The following CTNND2 variants were observed in gnomAD, a reference collection of about 807,000 sequenced individuals.
CTNND2 encodes the protein catenin delta 2.
A neutral mutation model predicts 144.4 loss-of-function variants in CTNND2; 22 were observed. That is an observed-to-expected ratio of 0.15 (90% CI 0.11 to 0.22). The LOEUF (loss-of-function observed/expected upper bound fraction) is 0.22. Among genes scored for constraint, CTNND2 ranks in the 10% least tolerant of loss-of-function variants. The pLI is 1.00. For synonymous variants in CTNND2, 751 were observed against 695.6 expected, an observed-to-expected ratio of 1.08 and a Z score of -1.25; for missense variants, 1,353 against 1,618.8, an observed-to-expected ratio of 0.84 and a Z score of 2.82.
chr5:11,711,403 T>G (rs1179253557), intron 2 of CTNND2, among the ~76,000 whole-genome samples: 3 of 152,180 alleles, frequency 2.0e-5, no homozygotes, highest in Non-Finnish European at 2.9e-5. Context: ...TTAATCGGCA[T>G]AGTCCTAATT....
chr5:11,649,126 T>C (rs1320133279), intron 2 of CTNND2, among the ~76,000 whole-genome samples: 1 of 152,228 alleles, frequency 6.6e-6, no homozygotes, highest in African/African-American at 2.4e-5. Flanking sequence ...CAAAGCATTG[T>C]ATTAACAGCT....
chr5:11,406,115 C>A (rs1383081946), intron 5 of CTNND2, among the ~76,000 whole-genome samples: 3 of 152,190 alleles, frequency 2.0e-5, no homozygotes, highest in Non-Finnish European at 4.4e-5. Flanking sequence ...CCATTGCACA[C>A]CAGCCTGGGC....
intron 1 of CTNND2, among the ~76,000 whole-genome samples, chr5:11,750,952 A>G (rs1275643982): frequency 1.3e-5 from 2 of 151,828 alleles, no homozygotes; most frequent in African/African-American, 4.8e-5. Flanking sequence ...ACTTTTTAAA[A>G]CCAAATGTAT....
In CTNND2 at chr5:11,709,299, C is replaced by T. The variant is rs116195138; in HGVS notation, c.174+22837G>A. Among the ~76,000 whole-genome samples, 335 of 152,314 alleles carry T rather than the reference C, an allele frequency of 2.2e-3. 1 individual carries two copies. Among genetic ancestry groups the T allele is most frequent in the Non-Finnish European group, 3.7e-3 (254 of 68,018 alleles). ...CAAGATTTACAAGATGAAAGTCTTT[C>T]ATAGCTGCTATTCTTTAGGAACATT... is the stretch of plus-strand genomic sequence containing the variant. On this transcript the variant is annotated intron_variant, in intron 2 of 21. Coordinates refer to ENST00000304623, the MANE Select transcript of CTNND2 (RefSeq NM_001332.4).
chr5:11,579,845 C>G (rs997891601), intron 2 of CTNND2, among the ~76,000 whole-genome samples: 4 of 152,198 alleles, frequency 2.6e-5, no homozygotes, highest in Admixed American at 2.6e-4. Flanking sequence ...ATAGAGAGGG[C>G]TGGACTGATC....
chr5:11,460,157 G>A (rs949490777), intron 3 of CTNND2, among the ~76,000 whole-genome samples: 4 of 152,138 alleles, frequency 2.6e-5, no homozygotes, highest in Non-Finnish European at 5.9e-5. Flanking sequence ...TACACTCAGA[G>A]GGAGCCTCCA....
At chr5:11,455,006 C>CTT (rs75755559) in intron 3 of CTNND2, among the ~76,000 whole-genome samples, 3 of 141,748 alleles carry the variant, frequency 2.1e-5, no homozygotes, top group Non-Finnish European at 1.5e-5. Context: ...TAATTTAACT[C>CTT]TTTTTTTTTT....
chr5:11,104,262 G>T (rs367616826), intron 14 of CTNND2, among the ~76,000 whole-genome samples: 5 of 152,242 alleles, frequency 3.3e-5, no homozygotes, highest in African/African-American at 1.2e-4. Context: ...TAGCAGATCT[G>T]CAGCATCAGG....
chr5:11,860,043 TATTC>T (rs1422771829), intron 1 of CTNND2, among the ~76,000 whole-genome samples: 1 of 152,226 alleles, frequency 6.6e-6, no homozygotes, highest in East Asian at 1.9e-4. Flanking sequence ...CTGTCAATCA[TATTC>T]ATTCATCATA....
At chr5:11,544,311 G>T (rs1775023220) in intron 3 of CTNND2, among the ~76,000 whole-genome samples, 1 of 152,008 alleles carries the variant, frequency 6.6e-6, no homozygotes, top group Non-Finnish European at 1.5e-5. Context: ...AGAACTTAAA[G>T]TGGCATATTA....
At chr5:11,290,069 T>G (rs1748164488) in intron 9 of CTNND2, among the ~76,000 whole-genome samples, 1 of 152,068 alleles carries the variant, frequency 6.6e-6, no homozygotes, top group Non-Finnish European at 1.5e-5. Flanking sequence ...GACAAGGAGG[T>G]AGCATTCTGG....
At chr5:10,979,906 A>G (rs1737004257) in intron 21 of CTNND2, among the ~76,000 whole-genome samples, 1 of 152,222 alleles carries the variant, frequency 6.6e-6, no homozygotes, top group African/African-American at 2.4e-5. Flanking sequence ...AATCAACTCA[A>G]GATGTATCAA....
chr5:11,774,440 A>G (rs1305908372), intron 1 of CTNND2, among the ~76,000 whole-genome samples: 1 of 148,056 alleles, frequency 6.8e-6, no homozygotes, highest in Admixed American at 6.7e-5. Flanking sequence ...TGGGAGATAT[A>G]CCTAATGCTA....
At chr5:11,575,354 CA>C (rs1477449761) in intron 2 of CTNND2, among the ~76,000 whole-genome samples, 1 of 152,136 alleles carries the variant, frequency 6.6e-6, no homozygotes, top group Non-Finnish European at 1.5e-5. Flanking sequence ...AGAGCAAACT[CA>C]AACTATCGAT....
chr5:11,893,049 C>T (rs1272207069), intron 1 of CTNND2, among the ~76,000 whole-genome samples: 1 of 152,242 alleles, frequency 6.6e-6, no homozygotes, highest in East Asian at 1.9e-4. Context: ...CGGCTCTGCA[C>T]CGCCTGCCAT....
intron 2 of CTNND2, among the ~76,000 whole-genome samples, chr5:11,678,239 T>C (rs1361963739): frequency 2.0e-5 from 3 of 152,188 alleles, no homozygotes; most frequent in Non-Finnish European, 2.9e-5. Flanking sequence ...TGAAGTTACC[T>C]CCTACTCTGA....
chr5:11,241,406 T>C (rs949280874), intron 9 of CTNND2, among the ~76,000 whole-genome samples: 2 of 152,150 alleles, frequency 1.3e-5, no homozygotes, highest in Non-Finnish European at 2.9e-5. Context: ...GACTGGAAGG[T>C]GAACGTAAGT....
intron 1 of CTNND2, among the ~76,000 whole-genome samples, chr5:11,875,968 T>A (rs1428486199): frequency 6.6e-6 from 1 of 152,298 alleles, no homozygotes; most frequent in East Asian, 1.9e-4. Context: ...ATATCCTTGA[T>A]AAGGAATAAA....
At chr5:10,983,914 CCCAGCTTTG>C (rs1397282681) in intron 20 of CTNND2, among the ~76,000 whole-genome samples, 1 of 152,162 alleles carries the variant, frequency 6.6e-6, no homozygotes, top group Non-Finnish European at 1.5e-5. Flanking sequence ...TTAAAGGAGT[CCCAGCTTTG>C]CCGACCCTCC....
Sources: allele counts gnomAD v4.1 joint callset (sites outside exome capture counted in the v4.1 genomes callset), GRCh38; gene constraint gnomAD v4.1.1; transcripts MANE v1.5; gene names NCBI Gene and HGNC (gene_info 2026-07-23, HGNC 2026-07-21).